HM13: variants seen among roughly 807,000 people sequenced by gnomAD.
HM13 encodes the protein histocompatibility minor 13.
A neutral mutation model predicts 50.0 loss-of-function variants in HM13; 18 were observed. The observed-to-expected ratio is 0.36, with a 90% CI of 0.25 to 0.53. HM13 has a LOEUF of 0.53. Ranked by LOEUF, HM13 falls within the 20% of genes least tolerant of loss-of-function variation. HM13 has a pLI of 0.90. For missense variants in HM13, 393 were observed against 552.4 expected (o/e 0.71, Z 2.89); for synonymous variants, 197 against 232.6 (o/e 0.85, Z 1.39).
In HM13 at chr20:31,549,986, C is replaced by G. The variant is rs1983944063; in HGVS notation, c.667-78C>G. On this transcript the variant is annotated intron_variant, in intron 6 of 12. Coordinates refer to ENST00000398174, the MANE Select transcript of HM13 (RefSeq NM_178581.3). ...CCTCAGATCCCAGGCAGCAGCACAT[C>G]TAGAAGCCCAGGGACAGCCATTCTT... is the stretch of plus-strand genomic sequence containing the variant. 20 of 1,085,012 alleles carry G rather than the reference C, an allele frequency of 1.8e-5. No homozygotes were observed. In the South Asian group the frequency reaches 2.3e-4, roughly 12 times the overall value. 67.2% of individuals were successfully genotyped at this position (1,085,012 alleles called of 1,614,324 possible).
intron 7 of HM13, among the ~76,000 whole-genome samples, chr20:31,553,791 G>A (rs1984154110): frequency 6.6e-6 from 1 of 152,108 alleles, no homozygotes; most frequent in Non-Finnish European, 1.5e-5. Flanking sequence ...GAAGCAATCT[G>A]CGGGTGTGTA....
At chr20:31,560,265 G>C (rs958100094) in intron 9 of HM13, among the ~76,000 whole-genome samples, 3 of 152,204 alleles carry the variant, frequency 2.0e-5, no homozygotes, top group Non-Finnish European at 2.9e-5. Flanking sequence ...TCAGCAGGGG[G>C]CGCCAGCAAC....
chr20:31,551,626 G>C (rs1568794380), intron 7 of HM13, among the ~76,000 whole-genome samples: 2 of 152,214 alleles, frequency 1.3e-5, no homozygotes, highest in Admixed American at 1.3e-4. Context: ...GAGGGGAACA[G>C]AATCCGTCAG....
intron 3 of HM13, 61 bp from the exon 4 acceptor site, chr20:31,544,886 G>T: frequency 7.6e-7 from 1 of 1,324,500 alleles, no homozygotes. Flanking sequence ...GGGCAGGGGT[G>T]TGTTAAGGCT....
At chr20:31,539,414 C>G in intron 3 of HM13, 1 of 985,428 alleles carries the variant, frequency 1.0e-6, no homozygotes, top group South Asian at 4.7e-5. Flanking sequence ...GGTAGGAAAC[C>G]TGGAAGACGT....
intron 2 of HM13, among the ~76,000 whole-genome samples, chr20:31,529,698 C>G (rs575858107): frequency 1.9e-4 from 29 of 152,226 alleles, no homozygotes; most frequent in Non-Finnish European, 3.4e-4. Flanking sequence ...GGTGGATCAT[C>G]TGAGGTCAGG....
Position 31,569,277 on chromosome 20 carries a change from A to C in HM13, c.*58A>C. The C allele has an allele frequency of 8.2e-7, 1 of 1,213,892 alleles. No individual in the cohort carries two copies. 75.2% of individuals were successfully genotyped at this position (1,213,892 alleles called of 1,614,324 possible). On this transcript the variant is annotated 3_prime_UTR_variant, in exon 13 of 13. Coordinates refer to ENST00000398174, the MANE Select transcript of HM13 (RefSeq NM_178581.3). Reference sequence around the variant, plus strand: ...CCAGACAGATGGGGGCTGGGCCCACACAGGCGTGCACCGGTAGAGGGCACA... The same window carrying C: ...CCAGACAGATGGGGGCTGGGCCCACCCAGGCGTGCACCGGTAGAGGGCACA...
At chr20:31,533,870 T>G (rs1166282627) in intron 2 of HM13, among the ~76,000 whole-genome samples, 1 of 152,112 alleles carries the variant, frequency 6.6e-6, no homozygotes, top group Non-Finnish European at 1.5e-5. Context: ...GATGTTCCCC[T>G]TGTGAGGTTT....
chr20:31,549,871 T>C (rs1012484858), intron 6 of HM13, among the ~76,000 whole-genome samples, 193 bp from the exon 7 acceptor site: 14 of 152,100 alleles, frequency 9.2e-5, no homozygotes, highest in African/African-American at 3.4e-4. Context: ...TTTTCTATAC[T>C]CCCTCGAATT....
intron 4 of HM13, chr20:31,548,172 G>A: frequency 1.4e-6 from 1 of 740,262 alleles, no homozygotes; most frequent in South Asian, 1.6e-5. Context: ...AAGTTTAACA[G>A]ATACTTTATA....
chr20:31,534,371 G>C (rs1982990831), intron 2 of HM13, among the ~76,000 whole-genome samples: 1 of 152,172 alleles, frequency 6.6e-6, no homozygotes. Flanking sequence ...GGAGAGGACA[G>C]AAGGAAGGAA....
Position 31,549,634 on chromosome 20 carries a change from G to T in HM13, c.666+302G>T, listed in dbSNP as rs941403526. The stretch of plus-strand genomic sequence containing the variant: ...GGCAAGGGAGTTGAGACTCAAAGAA[G>T]TTCAGGTAGGGGTGGAAGAATGTTG... On this transcript the variant is annotated intron_variant, in intron 6 of 12. Transcript: ENST00000398174. Among the ~76,000 whole-genome samples, 9 of 152,342 alleles carry T rather than the reference G, an allele frequency of 5.9e-5. No homozygotes were observed. The South Asian group carries it at 1.0e-3, about 18-fold the overall frequency.
chr20:31,547,551 G>A (rs1277677720), intron 4 of HM13: 43 of 1,009,452 alleles, frequency 4.3e-5, no homozygotes, highest in Non-Finnish European at 2.0e-5. Context: ...ACTGCATCCA[G>A]TTGAAAACGT....
intron 8 of HM13, among the ~76,000 whole-genome samples, 178 bp from the exon 9 acceptor site, chr20:31,559,433 A>G (rs1353724585): frequency 3.3e-5 from 5 of 152,068 alleles, no homozygotes; most frequent in Non-Finnish European, 7.4e-5. Context: ...GGCCCCTCTC[A>G]TTGTTCTAGG....
Position 31,568,059 on chromosome 20 carries a change from T to TTC in HM13, c.1035-8_1035-7dup, listed in dbSNP as rs763052838. ...CTATCCATCTCTTTTTTTCTGTCTC[T>TTC]TCTCTCTCTCTCACACAGCTACGAG... On this transcript the variant is annotated intron_variant, in intron 11 of 12. Coordinates refer to ENST00000398174, the MANE Select transcript of HM13 (RefSeq NM_178581.3). 1.0e-5 allele frequency: 16 copies of TTC among 1,576,306 alleles called. No individual in the cohort carries two copies. The Middle Eastern group carries it at 6.7e-4, about 66-fold the overall frequency.
chr20:31,566,114 C>G, intron 10 of HM13, 96 bp from the exon 11 acceptor site: 1 of 859,552 alleles, frequency 1.2e-6, no homozygotes, highest in South Asian at 1.5e-5. Context: ...CAGTCACTGT[C>G]CTTCAGTCCA....
At chr20:31,518,171 G>A (rs566393156) in intron 1 of HM13, among the ~76,000 whole-genome samples, 9 of 151,498 alleles carry the variant, frequency 5.9e-5, no homozygotes, top group Non-Finnish European at 8.8e-5. Flanking sequence ...ATGTAGCTGG[G>A]ATTACAGGCT....
At chr20:31,539,152 AT>A in intron 3 of HM13, 1 of 985,354 alleles carries the variant, frequency 1.0e-6, no homozygotes, top group Non-Finnish European at 1.2e-6. Context: ...TGCTACTTTT[AT>A]TTTGGACAGG....
Position 31,538,613 on chromosome 20 carries a change from T to C in HM13, c.365+352T>C, listed in dbSNP as rs1167954521. The C allele has an allele frequency of 4.9e-6, 6 of 1,235,028 alleles. No individual in the cohort carries two copies. The African/African-American group carries it at 7.6e-5, about 16-fold the overall frequency. 76.5% of individuals were successfully genotyped at this position (1,235,028 alleles called of 1,614,324 possible). ...TGGCCTAGCTGTGTGCTAAGTGCCA[T>C]GTTGGGCTCCTCACACATGATCGTG... On this transcript the variant is annotated intron_variant, in intron 3 of 12. Coordinates refer to ENST00000398174, the MANE Select transcript of HM13 (RefSeq NM_178581.3).
Sources: gnomAD v4.1 joint callset for allele counts (sites outside exome capture counted in the v4.1 genomes callset) on GRCh38, gnomAD v4.1.1 for gene constraint, MANE v1.5 for transcripts, NCBI Gene and HGNC (gene_info 2026-07-23, HGNC 2026-07-21) for gene names.